EPB41L3: variants seen among roughly 807,000 people sequenced by gnomAD.
EPB41L3 encodes the protein band 4.1-like protein 3.
In EPB41L3, 57 loss-of-function variants were observed where a neutral mutation model predicts 127.1. The ratio of observed to expected loss-of-function variants is 0.45; its 90% CI spans 0.36 to 0.56. The LOEUF (loss-of-function observed/expected upper bound fraction) is 0.56, where lower values mean the gene tolerates loss of function less well. Among genes scored for constraint, EPB41L3 ranks in the 20% least tolerant of loss-of-function variants. The probability of loss-of-function intolerance (pLI) is 0.00; values close to 1 mark genes in which losing one functional copy is unlikely to be tolerated. For synonymous variants in EPB41L3, 572 were observed against 549.5 expected (o/e 1.04, Z -0.57); for missense variants, 1,273 against 1,372.2 (o/e 0.93, Z 1.14).
chr18:5,445,069 G>C, intron 4 of EPB41L3, 71 bp downstream of exon 4: 1 of 1,134,154 alleles, frequency 8.8e-7, no homozygotes, highest in South Asian at 1.3e-5. Flanking sequence ...CACCCATTCA[G>C]TTTCAGTTCA....
At chr18:5,408,407 G>A (rs919744935) in intron 14 of EPB41L3, among the ~76,000 whole-genome samples, 3 of 151,368 alleles carry the variant, frequency 2.0e-5, no homozygotes, top group Non-Finnish European at 4.4e-5. Context: ...CCAGGTAGCT[G>A]GGATTACAGG....
chr18:5,454,636 G>A (rs1374879926), intron 3 of EPB41L3, among the ~76,000 whole-genome samples: 2 of 152,122 alleles, frequency 1.3e-5, no homozygotes, highest in African/African-American at 4.8e-5. Flanking sequence ...TTAAATTCAT[G>A]AGCAATCAGC....
chr18:5,443,878 A>G lies in EPB41L3; in HGVS notation c.489T>C (p.Asn163=). 1.9e-5 allele frequency: 31 copies of G among 1,607,688 alleles called. No homozygotes were observed. The highest frequency in any genetic ancestry group is 2.5e-5 in the Non-Finnish European group (30 of 1,177,642). ...LTYRDAENQK[N]WLDPAKEIKK... is the part of the protein sequence containing the mutation. ...TTATTTCCTTAGCAGGGTCCAACCA[A>G]TTCTGAAAAGGAAATGACATTTTGA... The change falls in exon 5 of 23, where the codon AAT becomes AAC. Residue 163 remains asparagine, a splice_region_variant and synonymous_variant. Transcript: ENST00000341928.
intron 18 of EPB41L3, among the ~76,000 whole-genome samples, chr18:5,396,596 G>C (rs563199269): frequency 4.0e-4 from 61 of 152,210 alleles, no homozygotes; most frequent in African/African-American, 1.4e-3. Flanking sequence ...TTCTTAGAAA[G>C]AAGAAACTAA....
At chr18:5,508,755 A>C (rs1258785320) in intron 1 of EPB41L3, among the ~76,000 whole-genome samples, 3 of 139,304 alleles carry the variant, frequency 2.2e-5, no homozygotes, top group Admixed American at 7.5e-5. Context: ...CAAGAGAGCG[A>C]GACTCCATCT....
intron 1 of EPB41L3, among the ~76,000 whole-genome samples, chr18:5,519,227 G>C (rs547960082): frequency 6.6e-6 from 1 of 152,226 alleles, no homozygotes; most frequent in African/African-American, 2.4e-5. Context: ...GGTACTGCAT[G>C]TATCCCTGTT....
intron 8 of EPB41L3, 127 bp downstream of exon 8, chr18:5,433,342 A>T: frequency 1.5e-6 from 1 of 672,602 alleles, no homozygotes; most frequent in Non-Finnish European, 2.5e-6. Flanking sequence ...TTAAAAGACA[A>T]GCAGAGATTT....
At chr18:5,408,229 C>T (rs1340920004) in intron 14 of EPB41L3, among the ~76,000 whole-genome samples, 5 of 151,630 alleles carry the variant, frequency 3.3e-5, no homozygotes, top group Admixed American at 3.3e-4. Flanking sequence ...CAGAGGTTCC[C>T]ACATTTTAAA....
At chr18:5,440,845 A>G (rs972750755) in intron 5 of EPB41L3, among the ~76,000 whole-genome samples, 1 of 152,194 alleles carries the variant, frequency 6.6e-6, no homozygotes, top group Admixed American at 6.5e-5. Flanking sequence ...GATGACTGGA[A>G]TAAGAATTTT....
chr18:5,470,633 A>G (rs2085949893), intron 3 of EPB41L3, among the ~76,000 whole-genome samples: 1 of 152,242 alleles, frequency 6.6e-6, no homozygotes, highest in South Asian at 2.1e-4. Context: ...TCTGCCATAC[A>G]GTCAAACAGA....
intron 3 of EPB41L3, among the ~76,000 whole-genome samples, chr18:5,561,802 C>G (rs1218285748): frequency 6.6e-6 from 1 of 152,194 alleles, no homozygotes; most frequent in African/African-American, 2.4e-5. Flanking sequence ...GTGATCAACA[C>G]TAACATCATC....
intron 3 of EPB41L3, among the ~76,000 whole-genome samples, chr18:5,551,822 T>C (rs1347723620): frequency 6.6e-6 from 1 of 152,160 alleles, no homozygotes; most frequent in Non-Finnish European, 1.5e-5. Flanking sequence ...ATTTGAAAGG[T>C]TTCATAATTG....
At chr18:5,555,025 C>T (rs1436315097) in intron 3 of EPB41L3, among the ~76,000 whole-genome samples, 3 of 152,220 alleles carry the variant, frequency 2.0e-5, no homozygotes, top group African/African-American at 7.2e-5. Context: ...GCTCCCATGA[C>T]ATGGCTCACT....
At chr18:5,589,758 G>A (rs984592239) in intron 3 of EPB41L3, among the ~76,000 whole-genome samples, 1 of 152,100 alleles carries the variant, frequency 6.6e-6, no homozygotes, top group Non-Finnish European at 1.5e-5. Context: ...CTTTTTTGGG[G>A]TCTGCTGCTG....
chr18:5,397,957 A>T lies in EPB41L3; in HGVS notation c.2472+64T>A. On this transcript the variant is annotated intron_variant, in intron 17 of 22. Coordinates refer to ENST00000341928, the MANE Select transcript of EPB41L3 (RefSeq NM_012307.5). This position sits in a 1 kb window ranked among gnomAD's most constrained non-coding sequence, Gnocchi z 4.1. The stretch of plus-strand genomic sequence containing the variant: ...GATGCAACCACACACTCACGCCCAA[A>T]AAAAGGGTAAGGAAAGGCACATGGG... The T allele has an allele frequency of 1.9e-6, 3 of 1,607,534 alleles. No individual in the cohort carries two copies. The highest frequency in any genetic ancestry group is 1.1e-5 in the South Asian group (1 of 90,208).
At chr18:5,411,237 C>T (rs1598591764) in intron 13 of EPB41L3, among the ~76,000 whole-genome samples, 3 of 152,202 alleles carry the variant, frequency 2.0e-5, no homozygotes, top group East Asian at 1.9e-4. Context: ...TTTCAAGTAG[C>T]GTCGCTAACT....
intron 3 of EPB41L3, among the ~76,000 whole-genome samples, chr18:5,584,322 C>T (rs1377176300): frequency 2.0e-5 from 3 of 152,202 alleles, no homozygotes; most frequent in Admixed American, 6.5e-5. Context: ...GAACGTAACC[C>T]GTCTGAAGCA....
intron 3 of EPB41L3, among the ~76,000 whole-genome samples, chr18:5,465,881 A>T (rs1240437784): frequency 6.6e-6 from 1 of 152,080 alleles, no homozygotes; most frequent in Admixed American, 6.6e-5. Flanking sequence ...ATATTCAGAT[A>T]TTCAACTGTT....
chr18:5,393,916 C>T (rs1361539065), intron 22 of EPB41L3: 1 of 165,346 alleles, frequency 6.0e-6, no homozygotes, highest in Non-Finnish European at 1.3e-5. Flanking sequence ...GCTCATGGCC[C>T]CATGAGATCT....
Sources: allele counts gnomAD v4.1 joint callset (sites outside exome capture counted in the v4.1 genomes callset), GRCh38; gene constraint gnomAD v4.1.1; non-coding constraint Gnocchi (gnomAD v3.1); transcripts MANE v1.5; gene names NCBI Gene and HGNC (gene_info 2026-07-23, HGNC 2026-07-21).